Variants in TNFRSF11A observed in about 807,000 individuals in gnomAD.
The protein encoded by TNFRSF11A is TNF receptor superfamily member 11a.
TNFRSF11A carries 32 observed loss-of-function variants against 55.7 expected under a neutral mutation model. The observed-to-expected ratio is 0.57, with a 90% CI of 0.43 to 0.77. The LOEUF (loss-of-function observed/expected upper bound fraction) is 0.77, where lower values mean the gene tolerates loss of function less well. Among genes scored for constraint, TNFRSF11A ranks in the 30% least tolerant of loss-of-function variants. The pLI is 0.00. For missense variants in TNFRSF11A, 753 were observed against 809.8 expected (o/e 0.93, Z 0.85); for synonymous variants, 311 against 331.0 (o/e 0.94, Z 0.65).
At chr18:62,343,137 T>C (rs1457738236) in intron 1 of TNFRSF11A, among the ~76,000 whole-genome samples, 1 of 152,248 alleles carries the variant, frequency 6.6e-6, no homozygotes, top group African/African-American at 2.4e-5. Flanking sequence ...AAAAACCACA[T>C]CTTTCGACTC....
At chr18:62,332,864 G>A (rs2046174916) in intron 1 of TNFRSF11A, among the ~76,000 whole-genome samples, 1 of 152,232 alleles carries the variant, frequency 6.6e-6, no homozygotes, top group African/African-American at 2.4e-5. Context: ...ACTTCAGAGA[G>A]GCTGAGATCT....
chr18:62,373,462 A>G (rs1255988485), intron 9 of TNFRSF11A, among the ~76,000 whole-genome samples: 1 of 152,092 alleles, frequency 6.6e-6, no homozygotes, highest in African/African-American at 2.4e-5. Context: ...CAAAAAAAAA[A>G]AGAAAGAAAA....
chr18:62,358,428 A>G, intron 5 of TNFRSF11A, 87 bp downstream of exon 5: 1 of 1,308,440 alleles, frequency 7.6e-7, no homozygotes, highest in Non-Finnish European at 1.1e-6. Context: ...AAACGGACGG[A>G]TTCTGTTGGG....
chr18:62,350,517 C>T (rs577834013), intron 3 of TNFRSF11A, among the ~76,000 whole-genome samples: 2 of 152,274 alleles, frequency 1.3e-5, no homozygotes, highest in South Asian at 2.1e-4. Flanking sequence ...TGGTCTCGAT[C>T]TCCTGACCTT....
intron 9 of TNFRSF11A, chr18:62,373,038 C>T (rs1910657921): frequency 6.6e-6 from 1 of 152,194 alleles, no homozygotes; most frequent in South Asian, 2.1e-4. Context: ...AAATCCAGGC[C>T]TTCCACAGTC....
At chr18:62,348,127 A>G (rs1344390458) in intron 1 of TNFRSF11A, 41 bp from the exon 2 acceptor site, 5 of 1,385,856 alleles carry the variant, frequency 3.6e-6, no homozygotes, top group Non-Finnish European at 5.1e-6. Context: ...ATCCAGAAAG[A>G]GCTGTGTGGA....
chr18:62,389,046 T>C lies in TNFRSF11A; in HGVS notation c.*4012T>C, dbSNP rs558714407. 7 of 152,462 alleles carry C rather than the reference T, an allele frequency of 4.6e-5. No individual in the cohort carries two copies. In the East Asian group the frequency reaches 1.3e-3, roughly 29 times the overall value. The allele number at this position is 152,462 out of a possible 1,614,324, so 9.4% of individuals were successfully genotyped here. A position where few individuals can be genotyped will look rare whatever the true frequency, so the allele number is the denominator to read the frequency against. On this transcript the variant is annotated 3_prime_UTR_variant, in exon 10 of 10. Transcript: ENST00000586569. The stretch of plus-strand genomic sequence containing the variant: ...TGCTGTGGGCTGCGCTGGGCACAAG[T>C]TGCATAACCCGCTTTTGGAAGAGGA...
In TNFRSF11A at chr18:62,332,974, C is replaced by T. The variant is rs181819643; in HGVS notation, c.75+7547C>T. Among the ~76,000 whole-genome samples the T allele has an allele frequency of 5.3e-5, 8 of 152,250 alleles. No individual in the cohort carries two copies. The South Asian group carries it at 8.3e-4, about 16-fold the overall frequency. On this transcript the variant is annotated intron_variant, in intron 1 of 9. Coordinates refer to ENST00000586569, the MANE Select transcript of TNFRSF11A (RefSeq NM_003839.4). ...ACACAGGCATGGGAAGGATGAGTTC[C>T]GAGTGGAGAATCGGGCAGGGGGTGT...
intron 1 of TNFRSF11A, among the ~76,000 whole-genome samples, chr18:62,329,692 T>C (rs2145233375): frequency 6.6e-6 from 1 of 152,268 alleles, no homozygotes; most frequent in South Asian, 2.1e-4. Flanking sequence ...CGAGTGGGTG[T>C]GGAGCAAGAT....
chr18:62,355,958 A>G (rs1399973529), intron 4 of TNFRSF11A, among the ~76,000 whole-genome samples: 1 of 152,220 alleles, frequency 6.6e-6, no homozygotes. Flanking sequence ...TATGTGGCCA[A>G]GCTCACCTAC....
intron 1 of TNFRSF11A, among the ~76,000 whole-genome samples, chr18:62,339,563 G>A (rs2046282656): frequency 6.6e-6 from 1 of 152,150 alleles, no homozygotes; most frequent in African/African-American, 2.4e-5. Context: ...ATGTGGCTGT[G>A]TCCTCCTTTA....
chr18:62,362,506 A>G (rs1249482967), intron 7 of TNFRSF11A, among the ~76,000 whole-genome samples: 3 of 151,208 alleles, frequency 2.0e-5, no homozygotes, highest in Non-Finnish European at 2.9e-5. Context: ...AAAAAAAAAA[A>G]AAAAAAAGAA....
chr18:62,349,682 G>A lies in TNFRSF11A; in HGVS notation c.158-130G>A, dbSNP rs1264677586. ...CTGTGTCATATTGTCTTTGGGGGGT[G>A]TCCTGGGATCATGGGCACCAATGAT... On this transcript the variant is annotated intron_variant, in intron 2 of 9. Transcript: ENST00000586569. 1.5e-5 allele frequency: 16 copies of A among 1,062,406 alleles called. No individual in the cohort carries two copies. In the Admixed American group the frequency reaches 2.4e-4, roughly 16 times the overall value. The allele number at this position is 1,062,406 out of a possible 1,614,324, so 65.8% of individuals were successfully genotyped here.
chr18:62,338,749 C>T lies in TNFRSF11A; in HGVS notation c.76-9419C>T, dbSNP rs999749213. Among the ~76,000 whole-genome samples the T allele has an allele frequency of 3.3e-5, 5 of 152,246 alleles. No homozygotes were observed. In the South Asian group the frequency reaches 6.2e-4, roughly 19 times the overall value. Reference sequence around the variant, plus strand: ...TGTTCTGGAAATAGATAGTGGCAATCGTTGCTACTTATTGCCCCTGAATCA... The same window carrying T: ...TGTTCTGGAAATAGATAGTGGCAATTGTTGCTACTTATTGCCCCTGAATCA... On this transcript the variant is annotated intron_variant, in intron 1 of 9. Coordinates refer to ENST00000586569, the MANE Select transcript of TNFRSF11A (RefSeq NM_003839.4).
chr18:62,348,976 C>A (rs2046424652), intron 2 of TNFRSF11A, among the ~76,000 whole-genome samples: 1 of 152,096 alleles, frequency 6.6e-6, no homozygotes, highest in South Asian at 2.1e-4. Flanking sequence ...ACGAAGCTAA[C>A]CATGAGCCGG....
At chr18:62,344,880 C>T (rs959399286) in intron 1 of TNFRSF11A, among the ~76,000 whole-genome samples, 6 of 152,166 alleles carry the variant, frequency 3.9e-5, no homozygotes, top group Non-Finnish European at 8.8e-5. Flanking sequence ...GCCGTGCAGG[C>T]AGAGGGAGAC....
chr18:62,389,247 G>C lies in TNFRSF11A; in HGVS notation c.*4213G>C, dbSNP rs546136369. Reference sequence around the variant, plus strand: ...AGCGCCAGAGGAGGCTTCTGGGAAGGGGCTGTCTGTGGAATTTCTGACCCC... The same window carrying C: ...AGCGCCAGAGGAGGCTTCTGGGAAGCGGCTGTCTGTGGAATTTCTGACCCC... On this transcript the variant is annotated 3_prime_UTR_variant, in exon 10 of 10. Transcript: ENST00000586569. The C allele has an allele frequency of 6.6e-6, 1 of 152,432 alleles. No homozygotes were observed. Among genetic ancestry groups the C allele is most frequent in the East Asian group, 1.9e-4 (1 of 5,192 alleles). The allele number at this position is 152,432 out of a possible 1,614,324, so 9.4% of individuals were successfully genotyped here. A position where few individuals can be genotyped will look rare whatever the true frequency, so the allele number is the denominator to read the frequency against.
chr18:62,370,447 T>C (rs1400106564), intron 9 of TNFRSF11A, among the ~76,000 whole-genome samples: 1 of 152,212 alleles, frequency 6.6e-6, no homozygotes, highest in Non-Finnish European at 1.5e-5. Flanking sequence ...AGAGATGCTT[T>C]TTCTTCTCTG....
At chr18:62,374,467 C>T (rs776241252) in intron 9 of TNFRSF11A, among the ~76,000 whole-genome samples, 14 of 152,282 alleles carry the variant, frequency 9.2e-5, no homozygotes, top group Non-Finnish European at 1.9e-4. Context: ...TCCAAAAGAA[C>T]CCAATGTAGC....
Sources: gnomAD v4.1 joint callset for allele counts (sites outside exome capture counted in the v4.1 genomes callset) on GRCh38, gnomAD v4.1.1 for gene constraint, MANE v1.5 for transcripts, NCBI Gene and HGNC (gene_info 2026-07-23, HGNC 2026-07-21) for gene names.